GAB4: variants seen among roughly 807,000 people sequenced by gnomAD.
GAB4 encodes the protein GRB2 associated binding protein family member 4.
GAB4 carries 26 observed loss-of-function variants against 51.3 expected under a neutral mutation model. The ratio of observed to expected loss-of-function variants is 0.51; its 90% CI spans 0.37 to 0.70. GAB4 has a LOEUF of 0.70. GAB4 is among the 30% of genes least tolerant of loss of function. GAB4 has a pLI of 0.00. For missense variants in GAB4, 759 were observed against 734.6 expected, an observed-to-expected ratio of 1.03 and a Z score of -0.38; for synonymous variants, 329 against 291.2, an observed-to-expected ratio of 1.13 and a Z score of -1.32.
intron 3 of GAB4, among the ~76,000 whole-genome samples, chr22:16,978,209 C>CA (rs574439473): frequency 1.3e-5 from 2 of 151,884 alleles, no homozygotes; most frequent in Non-Finnish European, 2.9e-5. Flanking sequence ...TATAGAGACA[C>CA]AAAAAAACCT....
intron 3 of GAB4, among the ~76,000 whole-genome samples, chr22:16,975,496 G>A (rs753935118): frequency 2.6e-4 from 40 of 152,332 alleles, no homozygotes; most frequent in Non-Finnish European, 4.3e-4. Flanking sequence ...CTGAAAAAAA[G>A]GCTACAGTCC....
rs1173543320 is a variant in GAB4, at chr22:16,965,995, CAT to C, written c.1288+103_1288+104del. On this transcript the variant is annotated intron_variant, in intron 6 of 9. Transcript: ENST00000400588. Reference sequence around the variant, plus strand: ...AGAAAACTGAGGCTCAGAGAATTCACATGACTTGCCAAAGTCAGACGTTCCAC... The same window carrying C: ...AGAAAACTGAGGCTCAGAGAATTCACGACTTGCCAAAGTCAGACGTTCCAC... 1.1e-5 allele frequency: 11 copies of C among 1,047,368 alleles called. No individual in the cohort carries two copies. In the African/African-American group the frequency reaches 1.4e-4, roughly 14 times the overall value. The allele number at this position is 1,047,368 out of a possible 1,614,324, so 64.9% of individuals were successfully genotyped here.
chr22:16,968,205 T>C (rs2060697466), intron 5 of GAB4, 93 bp downstream of exon 5: 3 of 882,646 alleles, frequency 3.4e-6, no homozygotes, highest in Non-Finnish European at 5.8e-6. Flanking sequence ...AGGGAGATGC[T>C]GTCACCCTTT....
chr22:17,006,760 A>G (rs1430746421), intron 1 of GAB4, among the ~76,000 whole-genome samples: 2 of 152,238 alleles, frequency 1.3e-5, no homozygotes, highest in African/African-American at 2.4e-5. Context: ...ACTGGAACAG[A>G]AAACCAAACA....
intron 3 of GAB4, among the ~76,000 whole-genome samples, chr22:16,971,872 A>T (rs887782511): frequency 2.0e-5 from 3 of 152,190 alleles, no homozygotes; most frequent in Admixed American, 2.0e-4. Context: ...CGAGCTTCAC[A>T]GCCTTCCTTC....
intron 3 of GAB4, among the ~76,000 whole-genome samples, chr22:16,970,755 A>C (rs948023656): frequency 6.6e-6 from 1 of 152,238 alleles, no homozygotes; most frequent in African/African-American, 2.4e-5. Flanking sequence ...TAAGTTATAA[A>C]GAACTATTCA....
At chr22:16,988,423 C>T (rs570891146) in intron 2 of GAB4, among the ~76,000 whole-genome samples, 1 of 152,206 alleles carries the variant, frequency 6.6e-6, no homozygotes, top group Non-Finnish European at 1.5e-5. Context: ...TCCCAGACGG[C>T]GTGGTTCCCC....
intron 7 of GAB4, 101 bp downstream of exon 7, chr22:16,965,077 G>A (rs1488490460): frequency 2.2e-6 from 2 of 895,482 alleles, no homozygotes; most frequent in Non-Finnish European, 3.5e-6. Context: ...TGTCCACATC[G>A]ACATGAGCAT....
At chr22:16,994,598 C>T (rs1171732948) in intron 1 of GAB4, among the ~76,000 whole-genome samples, 4 of 152,112 alleles carry the variant, frequency 2.6e-5, no homozygotes, top group South Asian at 2.1e-4. Context: ...ATTATGCAGC[C>T]GTATTTCCAT....
intron 1 of GAB4, among the ~76,000 whole-genome samples, chr22:16,994,520 C>G (rs2060936509): frequency 6.6e-6 from 1 of 152,190 alleles, no homozygotes; most frequent in South Asian, 2.1e-4. Flanking sequence ...TGTTACTACT[C>G]TAGCTGGTGT....
At chr22:17,002,014 G>C (rs1190177236) in intron 1 of GAB4, among the ~76,000 whole-genome samples, 9 of 152,182 alleles carry the variant, frequency 5.9e-5, no homozygotes, top group African/African-American at 1.7e-4. Context: ...CATTGGAAAA[G>C]TGCAGTATTA....
intron 3 of GAB4, among the ~76,000 whole-genome samples, chr22:16,972,849 T>C (rs1161133012): frequency 2.0e-5 from 3 of 152,132 alleles, no homozygotes; most frequent in Non-Finnish European, 4.4e-5. Flanking sequence ...CCTCCCAGCT[T>C]AAACATCTCC....
intron 1 of GAB4, among the ~76,000 whole-genome samples, chr22:16,995,750 A>G (rs1310084983): frequency 6.6e-6 from 1 of 152,216 alleles, no homozygotes; most frequent in Non-Finnish European, 1.5e-5. Context: ...ACAAACAGAA[A>G]GCAATAGCAC....
chr22:16,996,702 C>G (rs764095160), intron 1 of GAB4, among the ~76,000 whole-genome samples: 1 of 151,890 alleles, frequency 6.6e-6, no homozygotes, highest in South Asian at 2.1e-4. Context: ...ATGGTACATG[C>G]GCAAAACGTG....
In GAB4 at chr22:17,008,024, CG is replaced by C; in HGVS notation, c.90del (p.Ala31ProfsTer16). 1 of 1,610,306 alleles carries C rather than the reference CG, an allele frequency of 6.2e-7. No individual in the cohort carries two copies. The highest frequency in any genetic ancestry group is 1.1e-5 in the South Asian group (1 of 90,216). On this transcript the variant is annotated frameshift_variant, in exon 1 of 10. Transcript: ENST00000400588. LOFTEE classifies it high-confidence loss of function. ...APLSSWPGSG[P>X]AGGSTRSGHV... ...TGGCCACTTCTCGTGCTTCCGCCGG[CG>C]GGGCCACTTCCGGGCCACGAAGACA...
At chr22:16,975,991 A>G (rs2060774541) in intron 3 of GAB4, among the ~76,000 whole-genome samples, 1 of 151,992 alleles carries the variant, frequency 6.6e-6, no homozygotes. Flanking sequence ...AACAACAACA[A>G]AAAAAAACAT....
At chr22:16,998,126 C>T (rs11703743) in intron 1 of GAB4, among the ~76,000 whole-genome samples, 3,367 of 152,244 alleles carry the variant, frequency 0.022, 59 homozygotes, top group Middle Eastern at 0.068. Flanking sequence ...CTTAGCAATG[C>T]AGCTCTTTTT....
intron 3 of GAB4, among the ~76,000 whole-genome samples, chr22:16,982,641 T>C (rs1601268852): frequency 6.6e-6 from 1 of 152,240 alleles, no homozygotes; most frequent in East Asian, 1.9e-4. Flanking sequence ...TCTACAGAAA[T>C]AGAAACAAAA....
At position 16,969,980 on chromosome 22, in the gene GAB4, G is replaced by C. The variant is rs777628564; in HGVS notation, c.900C>G (p.Thr300=). ...IPWSLASHGH[T]RGSLTGSEAD... Reference sequence around the variant, plus strand: ...CCTCAGAGCCTGTGAGGCTGCCTCTGGTGTGGCCATGGGAGGCCAGGCTCC... The same window carrying C: ...CCTCAGAGCCTGTGAGGCTGCCTCTCGTGTGGCCATGGGAGGCCAGGCTCC... Residue 300 remains threonine, a synonymous_variant, in exon 4 of 10, where the codon ACC becomes ACG. Transcript: ENST00000400588. The C allele has an allele frequency of 8.7e-6, 14 of 1,614,182 alleles. No homozygotes were observed. The highest frequency in any genetic ancestry group is 1.2e-5 in the Non-Finnish European group (14 of 1,180,024).
Sources: gnomAD v4.1 joint callset for allele counts (sites outside exome capture counted in the v4.1 genomes callset) on GRCh38, gnomAD v4.1.1 for gene constraint, MANE v1.5 for transcripts, NCBI Gene and HGNC (gene_info 2026-07-23, HGNC 2026-07-21) for gene names.